WLS: variants seen among roughly 807,000 people sequenced by gnomAD.
WLS encodes protein wntless homolog.
WLS carries 23 observed loss-of-function variants against 62.8 expected under a neutral mutation model. The ratio of observed to expected loss-of-function variants is 0.37; its 90% CI spans 0.26 to 0.52. The LOEUF is 0.52. Ranked by LOEUF, WLS falls within the 20% of genes least tolerant of loss-of-function variation. The pLI, the probability that WLS is intolerant of heterozygous loss-of-function variation, is 0.92. For synonymous variants in WLS, 246 were observed against 244.1 expected (o/e 1.01, Z -0.07); for missense variants, 615 against 697.3 (o/e 0.88, Z 1.33).
intron 3 of WLS, 87 bp from the exon 4 acceptor site, chr1:68,155,347 A>G (rs895027933): frequency 8.3e-5 from 122 of 1,470,956 alleles, no homozygotes; most frequent in Non-Finnish European, 1.0e-4. Flanking sequence ...CATAACATCA[A>G]TTGTAAGCAG....
At position 68,228,154 on chromosome 1, in the gene WLS, G is replaced by A. The variant is rs142465194; in HGVS notation, c.106+4040C>T. 2.3e-4 allele frequency: 90 copies of A among 385,776 alleles called. 4 individuals are homozygous for A. The East Asian group carries it at 3.0e-3, about 13-fold the overall frequency. 23.9% of individuals were successfully genotyped at this position (385,776 alleles called of 1,614,324 possible). Reference sequence around the variant, plus strand: ...AAATTTAAAAAGGCCACTCACATAAGTTACCTTTTGGAAGAAACAATGATC... The same window carrying A: ...AAATTTAAAAAGGCCACTCACATAAATTACCTTTTGGAAGAAACAATGATC... On this transcript the variant is annotated intron_variant, in intron 1 of 11. Coordinates refer to ENST00000262348, the MANE Select transcript of WLS (RefSeq NM_024911.7).
rs56026766 is a variant in WLS at position 68,110,747 on chromosome 1, G to GTA, written c.1511-11996_1511-11995dup. ...TATATATGTTTGTATATATATGTGT[G>GTA]TATATATATATATATTTGCTCGATA... On this transcript the variant is annotated intron_variant, in intron 11 of 11. Transcript: ENST00000354777. Among the ~76,000 whole-genome samples the GTA allele has an allele frequency of 4.7e-4, 70 of 149,722 alleles. 3 individuals are homozygous for GTA. The South Asian group carries it at 9.1e-3, about 19-fold the overall frequency.
chr1:68,098,696 T>A (rs751571407), exon 12 of WLS: 2 of 1,614,036 alleles, frequency 1.2e-6, no homozygotes, highest in Non-Finnish European at 1.7e-6. Flanking sequence ...CAATTCTTGA[T>A]AAAGTTCCGA....
intron 1 of WLS, among the ~76,000 whole-genome samples, chr1:68,204,359 G>A (rs903724789): frequency 2.0e-5 from 3 of 151,488 alleles, no homozygotes; most frequent in Non-Finnish European, 4.4e-5. Flanking sequence ...TCGCTCTGTC[G>A]TCCAGGCTGG....
chr1:68,153,453 G>T (rs1646853712), intron 5 of WLS, 64 bp downstream of exon 5: 1 of 1,602,012 alleles, frequency 6.2e-7, no homozygotes, highest in South Asian at 1.1e-5. Flanking sequence ...ACCAGCAAAA[G>T]CAAGAGCTTG....
chr1:68,181,608 A>C (rs1232705180), intron 2 of WLS, among the ~76,000 whole-genome samples: 1 of 152,214 alleles, frequency 6.6e-6, no homozygotes, highest in African/African-American at 2.4e-5. Flanking sequence ...GTTTGGTAGA[A>C]GGCTGACTCA....
At chr1:68,148,849 GGC>G (rs1266838351) in intron 6 of WLS, among the ~76,000 whole-genome samples, 189 bp from the exon 7 acceptor site, 1 of 152,144 alleles carries the variant, frequency 6.6e-6, no homozygotes, top group Non-Finnish European at 1.5e-5. Flanking sequence ...GGGGGAGTCT[GGC>G]ACATACGTAG....
At chr1:68,145,763 G>A (rs1352954621) in intron 9 of WLS, 106 bp downstream of exon 9, 3 of 1,505,208 alleles carry the variant, frequency 2.0e-6, no homozygotes, top group African/African-American at 1.4e-5. Context: ...CTCTCAATTT[G>A]TATTTCAAAG....
intron 2 of WLS, among the ~76,000 whole-genome samples, chr1:68,177,902 T>C (rs567513960): frequency 1.3e-5 from 2 of 152,346 alleles, no homozygotes; most frequent in South Asian, 2.1e-4. Context: ...ATAAAGGTAG[T>C]ACTACTATTC....
At chr1:68,124,642 TG>T (rs1018962434), downstream of WLS, among the ~76,000 whole-genome samples, 1 of 152,296 alleles carries the variant, frequency 6.6e-6, no homozygotes, top group African/African-American at 2.4e-5. Flanking sequence ...AAGTGGATAT[TG>T]AGTGCACAGG....
At chr1:68,110,651 A>ATC (rs752431176) in intron 11 of WLS, among the ~76,000 whole-genome samples, 3,151 of 126,128 alleles carry the variant, frequency 0.025, 112 homozygotes, top group African/African-American at 0.092. Flanking sequence ...GCCCCCAAAA[A>ATC]TCTCTGTCTC....
chr1:68,176,088 G>A (rs1225896838), intron 2 of WLS, among the ~76,000 whole-genome samples: 4 of 152,148 alleles, frequency 2.6e-5, no homozygotes, highest in African/African-American at 7.2e-5. Flanking sequence ...AGGCAGCCAG[G>A]GACAAAAATA....
At chr1:68,185,608 T>C (rs1647889571) in intron 2 of WLS, among the ~76,000 whole-genome samples, 1 of 152,164 alleles carries the variant, frequency 6.6e-6, no homozygotes. Flanking sequence ...ATGCTCCTTA[T>C]GAGAATCTAA....
At chr1:68,201,244 A>G (rs1012051950) in intron 1 of WLS, among the ~76,000 whole-genome samples, 3 of 152,322 alleles carry the variant, frequency 2.0e-5, no homozygotes, top group South Asian at 2.1e-4. Flanking sequence ...GTCAGTTCCT[A>G]AAAAGATTTC....
intron 10 of WLS, 121 bp from the exon 11 acceptor site, chr1:68,138,054 G>A: frequency 9.1e-7 from 1 of 1,102,422 alleles, no homozygotes. Context: ...AAACATGAAG[G>A]GCCATGTAAG....
downstream of WLS, among the ~76,000 whole-genome samples, chr1:68,123,895 C>A (rs1360712600): frequency 6.6e-6 from 1 of 152,164 alleles, no homozygotes; most frequent in Non-Finnish European, 1.5e-5. Flanking sequence ...CTGGTTAATT[C>A]AACTCTTCCA....
chr1:68,162,634 T>C (rs1160313602), intron 2 of WLS: 1 of 1,256,638 alleles, frequency 8.0e-7, no homozygotes. Context: ...CAGTGCTTGG[T>C]ACAGCCATGT....
intron 1 of WLS, among the ~76,000 whole-genome samples, chr1:68,226,255 T>C: frequency 6.6e-6 from 1 of 152,200 alleles, no homozygotes; most frequent in East Asian, 1.9e-4. Flanking sequence ...CTAAAGTTGA[T>C]AATCTAGGCT....
intron 2 of WLS, among the ~76,000 whole-genome samples, chr1:68,175,553 C>A (rs1647226687): frequency 1.3e-5 from 2 of 152,216 alleles, no homozygotes; most frequent in African/African-American, 2.4e-5. Context: ...TTACTAAGAT[C>A]CTTTCTAGTT....
Sources: gnomAD v4.1 joint callset for allele counts (sites outside exome capture counted in the v4.1 genomes callset) on GRCh38, gnomAD v4.1.1 for gene constraint, MANE v1.5 for transcripts, NCBI Gene and HGNC (gene_info 2026-07-23, HGNC 2026-07-21) for gene names.